Variants in GALNT10 observed in about 807,000 individuals in gnomAD.
GALNT10 encodes GalNAc transferase 10.
A neutral mutation model predicts 75.0 loss-of-function variants in GALNT10; 41 were observed. That is an observed-to-expected ratio of 0.55 (90% CI 0.43 to 0.71). GALNT10 has a LOEUF of 0.71. Ranked by LOEUF, GALNT10 falls within the 30% of genes least tolerant of loss-of-function variation. The pLI is 0.00. For synonymous variants in GALNT10, 302 were observed against 313.0 expected (o/e 0.96, Z 0.37); for missense variants, 727 against 818.5 (o/e 0.89, Z 1.36).
chr5:154,303,556 C>T (rs1754389840), intron 3 of GALNT10, among the ~76,000 whole-genome samples: 1 of 152,158 alleles, frequency 6.6e-6, no homozygotes, highest in African/African-American at 2.4e-5. Context: ...AATAGTTCCT[C>T]TTCCCACCAC....
chr5:154,208,798 G>A (rs1176096630), intron 1 of GALNT10, among the ~76,000 whole-genome samples: 1 of 152,180 alleles, frequency 6.6e-6, no homozygotes, highest in African/African-American at 2.4e-5. Context: ...GATGAAAATT[G>A]GCTATTAAGA....
intron 3 of GALNT10, 132 bp from the exon 4 acceptor site, chr5:154,329,440 C>G: frequency 1.5e-6 from 1 of 672,154 alleles, no homozygotes; most frequent in South Asian, 1.7e-5. Flanking sequence ...ACCAAGGTAT[C>G]CCTGGATTTT....
intron 3 of GALNT10, among the ~76,000 whole-genome samples, chr5:154,321,127 G>A (rs1754666149): frequency 6.6e-6 from 1 of 152,062 alleles, no homozygotes; most frequent in Non-Finnish European, 1.5e-5. Context: ...TTACTTACTT[G>A]ATCACATCTC....
intron 1 of GALNT10, among the ~76,000 whole-genome samples, chr5:154,267,005 G>A (rs1445962543): frequency 6.6e-6 from 1 of 152,124 alleles, no homozygotes; most frequent in African/African-American, 2.4e-5. Flanking sequence ...AGCACCTTCT[G>A]CTAATATTGG....
At chr5:154,229,461 G>T (rs1283965128) in intron 1 of GALNT10, among the ~76,000 whole-genome samples, 1 of 152,204 alleles carries the variant, frequency 6.6e-6, no homozygotes, top group African/African-American at 2.4e-5. Flanking sequence ...GGACGTGGTG[G>T]CTCATGCCTG....
At chr5:154,196,544 TTCTC>T (rs1774942880) in intron 1 of GALNT10, among the ~76,000 whole-genome samples, 1 of 152,154 alleles carries the variant, frequency 6.6e-6, no homozygotes, top group Non-Finnish European at 1.5e-5. Flanking sequence ...GGTTCTGACT[TTCTC>T]TGTGTGTTGG....
chr5:154,215,800 G>C (rs778699725), intron 1 of GALNT10, among the ~76,000 whole-genome samples: 43 of 152,204 alleles, frequency 2.8e-4, no homozygotes, highest in Non-Finnish European at 5.0e-4. Context: ...AGGGGATCTG[G>C]TGTTCTCTGT....
intron 1 of GALNT10, among the ~76,000 whole-genome samples, chr5:154,291,571 T>TC (rs1396864314): frequency 6.6e-6 from 1 of 152,202 alleles, no homozygotes; most frequent in East Asian, 1.9e-4. Context: ...CCACTTCTAA[T>TC]ATCTTCTTCC....
chr5:154,366,946 C>T (rs1267212846), intron 4 of GALNT10, among the ~76,000 whole-genome samples: 1 of 152,188 alleles, frequency 6.6e-6, no homozygotes, highest in Non-Finnish European at 1.5e-5. Context: ...GTCTCAGGAT[C>T]AAGTGGGCCA....
At chr5:154,327,100 TC>T (rs1156313452) in intron 3 of GALNT10, among the ~76,000 whole-genome samples, 1 of 152,108 alleles carries the variant, frequency 6.6e-6, no homozygotes, top group Non-Finnish European at 1.5e-5. Flanking sequence ...GCACCTGTAG[TC>T]CCAGCTACTT....
intron 3 of GALNT10, among the ~76,000 whole-genome samples, chr5:154,311,312 T>C (rs1448592916): frequency 6.6e-6 from 1 of 152,258 alleles, no homozygotes; most frequent in Non-Finnish European, 1.5e-5. Flanking sequence ...TTCAGAATTG[T>C]TGTGTGATGA....
chr5:154,247,045 A>C (rs899000097), intron 1 of GALNT10, among the ~76,000 whole-genome samples: 1 of 152,192 alleles, frequency 6.6e-6, no homozygotes, highest in South Asian at 2.1e-4. Context: ...CAGTTTTCCC[A>C]GCACCATGTA....
At chr5:154,257,345 A>G (rs752473656) in intron 1 of GALNT10, among the ~76,000 whole-genome samples, 1 of 152,162 alleles carries the variant, frequency 6.6e-6, no homozygotes, top group Non-Finnish European at 1.5e-5. Flanking sequence ...ACCTGACCAA[A>G]GCTGCCTCAC....
rs1037225972 is a variant in GALNT10 at position 154,404,292 on chromosome 5, A to G, written c.1164+81A>G. On this transcript the variant is annotated intron_variant, in intron 8 of 11. Coordinates refer to ENST00000297107, the MANE Select transcript of GALNT10 (RefSeq NM_198321.4). ...GCACTGAGGCACCCTGGGGCCCTAGACTGTGTTATGTGATCTCTGGGTTTG... is the reference window on the plus strand; with the variant it reads ...GCACTGAGGCACCCTGGGGCCCTAGGCTGTGTTATGTGATCTCTGGGTTTG... The G allele has an allele frequency of 7.8e-5, 56 of 714,012 alleles. No individual in the cohort carries two copies. In the East Asian group the frequency reaches 1.1e-3, roughly 14 times the overall value. The allele number at this position is 714,012 out of a possible 1,614,324, so 44.2% of individuals were successfully genotyped here.
chr5:154,384,081 AACTC>A (rs1755773510), intron 6 of GALNT10, among the ~76,000 whole-genome samples: 2 of 152,132 alleles, frequency 1.3e-5, no homozygotes, highest in South Asian at 2.1e-4. Flanking sequence ...ATCTCATGAG[AACTC>A]ACTCACTATC....
chr5:154,395,735 A>G (rs17637407), intron 7 of GALNT10, among the ~76,000 whole-genome samples: 3,490 of 152,318 alleles, frequency 0.023, 55 homozygotes, highest in South Asian at 0.054. Context: ...CAGGGCTGTT[A>G]GGAAATATAG....
At chr5:154,396,000 G>T (rs1489468894) in intron 7 of GALNT10, among the ~76,000 whole-genome samples, 2 of 152,186 alleles carry the variant, frequency 1.3e-5, no homozygotes, top group African/African-American at 4.8e-5. Flanking sequence ...TAGGTGGGAG[G>T]TTGTGCAGAG....
intron 6 of GALNT10, among the ~76,000 whole-genome samples, chr5:154,383,347 T>C (rs1028716592): frequency 4.6e-5 from 7 of 152,218 alleles, no homozygotes; most frequent in Admixed American, 3.3e-4. Context: ...GACCCCACTT[T>C]CAGTAATAGC....
At chr5:154,195,568 T>G (rs1774924520) in intron 1 of GALNT10, among the ~76,000 whole-genome samples, 1 of 152,316 alleles carries the variant, frequency 6.6e-6, no homozygotes, top group South Asian at 2.1e-4. Flanking sequence ...TTGAAATATA[T>G]CAGAGCAGGC....
Sources: allele counts gnomAD v4.1 joint callset (sites outside exome capture counted in the v4.1 genomes callset), GRCh38; gene constraint gnomAD v4.1.1; transcripts MANE v1.5; gene names NCBI Gene and HGNC (gene_info 2026-07-23, HGNC 2026-07-21).